Variants in KHDRBS3 observed in about 807,000 individuals in gnomAD.
KHDRBS3 encodes the protein KH RNA binding domain containing, signal transduction associated 3.
A neutral mutation model predicts 45.6 loss-of-function variants in KHDRBS3; 23 were observed. The ratio of observed to expected loss-of-function variants is 0.50; its 90% CI spans 0.36 to 0.72. The LOEUF (loss-of-function observed/expected upper bound fraction) is 0.72, where lower values mean the gene tolerates loss of function less well. Ranked by LOEUF, KHDRBS3 falls within the 30% of genes least tolerant of loss-of-function variation. The pLI is 0.00. For missense variants in KHDRBS3, 352 were observed against 424.8 expected, an observed-to-expected ratio of 0.83 and a Z score of 1.51; for synonymous variants, 162 against 156.5, an observed-to-expected ratio of 1.04 and a Z score of -0.26.
intron 1 of KHDRBS3, among the ~76,000 whole-genome samples, chr8:135,511,411 C>T (rs1190317862): frequency 2.0e-5 from 3 of 151,954 alleles, no homozygotes; most frequent in Non-Finnish European, 4.4e-5. Flanking sequence ...CATTATTATT[C>T]TTCCTTTCTT....
intron 6 of KHDRBS3, among the ~76,000 whole-genome samples, chr8:135,592,087 G>A (rs1828770155): frequency 6.6e-6 from 1 of 152,138 alleles, no homozygotes; most frequent in South Asian, 2.1e-4. Flanking sequence ...CCAGAAGCCA[G>A]GGTAAGAGCA....
intron 5 of KHDRBS3, among the ~76,000 whole-genome samples, chr8:135,576,200 G>C (rs1415270620): frequency 2.0e-5 from 3 of 152,164 alleles, no homozygotes; most frequent in African/African-American, 7.2e-5. Flanking sequence ...CCTTGATAAC[G>C]TAGCTGAGGT....
At chr8:135,489,417 C>A (rs183064679) in intron 1 of KHDRBS3, among the ~76,000 whole-genome samples, 1 of 152,162 alleles carries the variant, frequency 6.6e-6, no homozygotes, top group Non-Finnish European at 1.5e-5. Flanking sequence ...CGGTGGCTCA[C>A]GCCTGTAATC....
At chr8:135,562,336 G>A (rs371913811) in intron 5 of KHDRBS3, among the ~76,000 whole-genome samples, 8 of 152,070 alleles carry the variant, frequency 5.3e-5, no homozygotes, top group African/African-American at 1.9e-4. Flanking sequence ...AGTCACATAC[G>A]GTATTCAGTA....
intron 5 of KHDRBS3, among the ~76,000 whole-genome samples, chr8:135,563,711 CT>C (rs1827273552): frequency 6.6e-6 from 1 of 152,198 alleles, no homozygotes; most frequent in Non-Finnish European, 1.5e-5. Context: ...TAATGCTGAT[CT>C]TATTTGCCAC....
In KHDRBS3 at chr8:135,631,245, C is replaced by T. The variant is rs558741200; in HGVS notation, c.891-13814C>T. Among the ~76,000 whole-genome samples, 6 of 99,734 alleles carry T rather than the reference C, an allele frequency of 6.0e-5. No homozygotes were observed. The East Asian group carries it at 1.5e-3, about 25-fold the overall frequency. The allele number at this position is 99,734 out of a possible 152,430, so 65.4% of individuals were successfully genotyped here. A position where few individuals can be genotyped will look rare whatever the true frequency, so the allele number is the denominator to read the frequency against. ...CAGCCTGGGCAACAGAGCGAGACTC[C>T]GTCTCGGAAAAAAAAAAAAAAAAAA... On this transcript the variant is annotated intron_variant, in intron 7 of 8. Transcript: ENST00000355849.
chr8:135,629,790 T>C (rs1230042636), intron 7 of KHDRBS3, among the ~76,000 whole-genome samples: 1 of 152,222 alleles, frequency 6.6e-6, no homozygotes, highest in Non-Finnish European at 1.5e-5. Context: ...TTAGAACCCA[T>C]GTTCTATGTC....
chr8:135,521,901 T>C (rs1379708453), intron 2 of KHDRBS3, among the ~76,000 whole-genome samples: 1 of 152,218 alleles, frequency 6.6e-6, no homozygotes, highest in African/African-American at 2.4e-5. Context: ...TATTATAAAT[T>C]AAATTTCTCT....
intron 3 of KHDRBS3, among the ~76,000 whole-genome samples, chr8:135,544,717 C>T (rs994983348): frequency 5.3e-5 from 8 of 152,184 alleles, no homozygotes; most frequent in African/African-American, 1.9e-4. Context: ...CCTGATTTTA[C>T]ATGATTGACC....
intron 2 of KHDRBS3, among the ~76,000 whole-genome samples, chr8:135,534,061 C>T (rs571977072): frequency 1.2e-4 from 18 of 152,238 alleles, no homozygotes; most frequent in African/African-American, 2.6e-4. Flanking sequence ...CATTGTAAGT[C>T]GAGAACTGTC....
chr8:135,584,951 G>A (rs1216826480), intron 6 of KHDRBS3, among the ~76,000 whole-genome samples: 7 of 152,004 alleles, frequency 4.6e-5, no homozygotes, highest in East Asian at 3.9e-4. Flanking sequence ...GGCTCGGCAC[G>A]ATGCTCACGC....
rs150508626 is a variant in KHDRBS3, at chr8:135,462,563, G to C, written c.88+4609G>C. ...AACTATGCTGAAATATTTAATGATT[G>C]GATGGCTTAGATTTACTGTTAATAA... On this transcript the variant is annotated intron_variant, in intron 1 of 8. Transcript: ENST00000355849. Among the ~76,000 whole-genome samples the C allele has an allele frequency of 6.9e-3, 1,044 of 152,282 alleles. 11 individuals are homozygous for C. The highest frequency in any genetic ancestry group is 0.024 in the African/African-American group (989 of 41,544).
chr8:135,494,539 A>G (rs182200389), intron 1 of KHDRBS3, among the ~76,000 whole-genome samples: 6 of 152,116 alleles, frequency 3.9e-5, no homozygotes, highest in African/African-American at 1.4e-4. Flanking sequence ...CGGCCTCCTA[A>G]AGTGCTGGGA....
intron 2 of KHDRBS3, among the ~76,000 whole-genome samples, chr8:135,523,183 T>G (rs1221244790): frequency 6.6e-6 from 1 of 152,178 alleles, no homozygotes; most frequent in African/African-American, 2.4e-5. Flanking sequence ...AATTTCTTTG[T>G]TAATTACTAC....
At chr8:135,511,546 TTTGTTG>T (rs144560423) in intron 1 of KHDRBS3, among the ~76,000 whole-genome samples, 15,539 of 151,756 alleles carry the variant, frequency 0.1, 872 homozygotes, top group East Asian at 0.18. Context: ...TTTTTGTTTG[TTTGTTG>T]TTGTTGTTGT....
chr8:135,470,904 G>A (rs138307832), intron 1 of KHDRBS3, among the ~76,000 whole-genome samples: 1 of 152,230 alleles, frequency 6.6e-6, no homozygotes, highest in East Asian at 1.9e-4. Flanking sequence ...CTTCTTAAAT[G>A]GGCGAAGGAT....
chr8:135,503,266 A>G, intron 1 of KHDRBS3, among the ~76,000 whole-genome samples: 1 of 152,260 alleles, frequency 6.6e-6, no homozygotes, highest in East Asian at 1.9e-4. Flanking sequence ...GACCTTGGGC[A>G]CATGCACAGT....
At chr8:135,578,029 C>T (rs1220675415) in intron 5 of KHDRBS3, among the ~76,000 whole-genome samples, 1 of 152,108 alleles carries the variant, frequency 6.6e-6, no homozygotes, top group Non-Finnish European at 1.5e-5. Context: ...ATCTGTAGAT[C>T]TTCTTTGGTG....
intron 7 of KHDRBS3, among the ~76,000 whole-genome samples, chr8:135,644,693 C>T (rs1831208472): frequency 6.6e-6 from 1 of 152,228 alleles, no homozygotes; most frequent in Non-Finnish European, 1.5e-5. Context: ...TCTTGGCACA[C>T]TGGGCTAGAA....
Sources: gnomAD v4.1 joint callset for allele counts (sites outside exome capture counted in the v4.1 genomes callset) on GRCh38, gnomAD v4.1.1 for gene constraint, MANE v1.5 for transcripts, NCBI Gene and HGNC (gene_info 2026-07-23, HGNC 2026-07-21) for gene names.